YTHDF3: variants seen among roughly 807,000 people sequenced by gnomAD.
The protein encoded by YTHDF3 is YTH domain-containing family protein 3.
In YTHDF3, 9 loss-of-function variants were observed where a neutral mutation model predicts 52.5. The observed-to-expected ratio is 0.17, with a 90% CI of 0.10 to 0.30. The LOEUF (loss-of-function observed/expected upper bound fraction) is 0.30, where lower values mean the gene tolerates loss of function less well. Ranked by LOEUF, YTHDF3 falls within the 10% of genes least tolerant of loss-of-function variation. The pLI, the probability that YTHDF3 is intolerant of heterozygous loss-of-function variation, is 1.00. For synonymous variants in YTHDF3, 274 were observed against 243.3 expected (o/e 1.13, Z -1.18); for missense variants, 534 against 715.0 (o/e 0.75, Z 2.89).
Position 63,186,507 on chromosome 8 carries a change from A to G in YTHDF3, c.496A>G (p.Ile166Val), listed in dbSNP as rs1808510636. ...TCCACCTAGTTCTCTTGGGAGAGCT[A>G]TTACTGATGGACAGGCTGGATTTGG... ...GYPPSSLGRA[I>V]TDGQAGFGND... Residue 166 changes from isoleucine (I) to valine (V), a missense_variant, in exon 4 of 5, where the codon ATT becomes GTT. Physicochemically the swap from Ile to Val is conservative, Grantham distance 29. Around this residue, in one of 3 missense-constraint regions of YTHDF3, gnomAD observed 196 missense variants for 299.5 expected, o/e 0.65. Transcript: ENST00000539294. The G allele has an allele frequency of 6.2e-7, 1 of 1,613,934 alleles. No individual in the cohort carries two copies. The highest frequency in any genetic ancestry group is 1.3e-5 in the African/African-American group (1 of 74,946).
At chr8:63,170,685 G>C (rs1051599708) in intron 2 of YTHDF3, among the ~76,000 whole-genome samples, 1 of 152,090 alleles carries the variant, frequency 6.6e-6, no homozygotes, top group Non-Finnish European at 1.5e-5. Context: ...GAACTATGTA[G>C]ACTTGGAGAT....
Position 63,185,780 on chromosome 8 carries a change from C to T in YTHDF3, c.136-367C>T, listed in dbSNP as rs78255094. On this transcript the variant is annotated intron_variant, in intron 3 of 4. Transcript: ENST00000539294. ...CATACATCAATTGATTAAAGTACAGCTGGCTGTAAATGGTAATTTTGTGTC... is the reference window on the plus strand; with the variant it reads ...CATACATCAATTGATTAAAGTACAGTTGGCTGTAAATGGTAATTTTGTGTC... 5.0e-3 allele frequency among the ~76,000 whole-genome samples: 760 copies of T among 152,308 alleles called. 1 individual carries two copies. Among genetic ancestry groups the T allele is most frequent in the Non-Finnish European group, 7.1e-3 (482 of 68,026 alleles).
Position 63,211,912 on chromosome 8 carries a change from T to G in YTHDF3, c.*2206T>G, listed in dbSNP as rs1025135722. ...TAATTTTGTGTTTTTCTCATATAAG[T>G]TTTCTCCAGAGCACCCACCTTCTCT... is the stretch of plus-strand genomic sequence containing the variant. On this transcript the variant is annotated 3_prime_UTR_variant, in exon 5 of 5. Coordinates refer to ENST00000539294, the MANE Select transcript of YTHDF3 (RefSeq NM_152758.6). 6.6e-6 allele frequency: 1 copy of G among 152,586 alleles called. No individual in the cohort carries two copies. The highest frequency in any genetic ancestry group is 2.4e-5 in the African/African-American group (1 of 41,458). The allele number at this position is 152,586 out of a possible 1,614,324, so 9.5% of individuals were successfully genotyped here. A position where few individuals can be genotyped will look rare whatever the true frequency, so the allele number is the denominator to read the frequency against.
At chr8:63,193,526 C>T (rs1809050975) in intron 4 of YTHDF3, among the ~76,000 whole-genome samples, 1 of 152,030 alleles carries the variant, frequency 6.6e-6, no homozygotes, top group African/African-American at 2.4e-5. Context: ...GAGGCTGAGG[C>T]AGAAGGATTG....
intron 3 of YTHDF3, among the ~76,000 whole-genome samples, chr8:63,181,948 TATA>T (rs1165233412): frequency 2.0e-5 from 3 of 152,180 alleles, no homozygotes; most frequent in Non-Finnish European, 4.4e-5. Flanking sequence ...TTTAGAAAAT[TATA>T]ATAGGAGAAA....
At chr8:63,188,701 A>ATTTTTT (rs1191554468) in intron 4 of YTHDF3, 43 of 61,444 alleles carry the variant, frequency 7.0e-4, no homozygotes, top group African/African-American at 3.3e-3. Context: ...ATATATATAT[A>ATTTTTT]TTTTTTTTTT....
At chr8:63,179,130 A>G (rs887934374) in intron 3 of YTHDF3, among the ~76,000 whole-genome samples, 2 of 152,198 alleles carry the variant, frequency 1.3e-5, no homozygotes, top group Non-Finnish European at 1.5e-5. Flanking sequence ...CTTTCTACTT[A>G]TGTGGCAGCA....
chr8:63,194,862 A>C (rs545833396), intron 4 of YTHDF3, among the ~76,000 whole-genome samples: 1 of 152,338 alleles, frequency 6.6e-6, no homozygotes, highest in Admixed American at 6.5e-5. Context: ...GATTTTAACT[A>C]AAATTTACAT....
intron 3 of YTHDF3, among the ~76,000 whole-genome samples, chr8:63,180,976 G>C (rs1055511251): frequency 6.6e-6 from 1 of 152,188 alleles, no homozygotes; most frequent in East Asian, 1.9e-4. Flanking sequence ...AAGAGGGAGA[G>C]GGAGAGGGTC....
intron 2 of YTHDF3, among the ~76,000 whole-genome samples, chr8:63,170,599 AAAT>A (rs1798641456): frequency 6.6e-6 from 1 of 152,186 alleles, no homozygotes; most frequent in Non-Finnish European, 1.5e-5. Context: ...GATTTATTTT[AAAT>A]GAGTTTTTAA....
Position 63,186,219 on chromosome 8 carries a change from T to C in YTHDF3, c.208T>C (p.Ser70Pro). The change falls in exon 4 of 5, where the codon TCT (serine) becomes CCT (proline). Residue 70 changes from serine (S) to proline (P), a missense_variant. Physicochemically the swap from Ser to Pro is moderately conservative, Grantham distance 74 (BLOSUM62 -1). Coordinates refer to ENST00000539294, the MANE Select transcript of YTHDF3 (RefSeq NM_152758.6). ...YYAPSIGFPY[S>P]LGEAAWSTAG... is the part of the protein sequence containing the mutation. ...TGCTCCATCCATTGGATTTCCATAT[T>C]CTCTTGGGGAAGCAGCGTGGTCCAC... 6.2e-7 allele frequency: 1 copy of C among 1,614,060 alleles called. No homozygotes were observed. The highest frequency in any genetic ancestry group is 8.5e-7 in the Non-Finnish European group (1 of 1,179,886).
At chr8:63,209,655 T>TTG (rs754824965) in intron 4 of YTHDF3, 28 bp from the exon 5 acceptor site, 48 of 1,541,596 alleles carry the variant, frequency 3.1e-5, no homozygotes, top group African/African-American at 5.5e-5. Flanking sequence ...GTAATTCTTT[T>TTG]TGTGTGTGTG....
intron 3 of YTHDF3, among the ~76,000 whole-genome samples, chr8:63,184,068 A>C (rs995817324): frequency 6.6e-6 from 1 of 152,252 alleles, no homozygotes; most frequent in Non-Finnish European, 1.5e-5. Flanking sequence ...ATACAGATGC[A>C]ACTATTCATT....
intron 2 of YTHDF3, chr8:63,173,803 C>A: frequency 2.7e-6 from 1 of 370,086 alleles, no homozygotes; most frequent in South Asian, 1.1e-4. Flanking sequence ...TTCCATGGAG[C>A]ATATTTAGCT....
chr8:63,169,962 G>GT (rs1165025054), intron 2 of YTHDF3, among the ~76,000 whole-genome samples: 1 of 152,140 alleles, frequency 6.6e-6, no homozygotes, highest in Non-Finnish European at 1.5e-5. Flanking sequence ...ACTCTATCTG[G>GT]TATTTTATAA....
In YTHDF3 at chr8:63,211,741, A is replaced by T. The variant is rs1315693170; in HGVS notation, c.*2035A>T. 1 of 152,620 alleles carries T rather than the reference A, an allele frequency of 6.6e-6. No individual in the cohort carries two copies. The highest frequency in any genetic ancestry group is 1.9e-4 in the East Asian group (1 of 5,204). The allele number at this position is 152,620 out of a possible 1,614,324, so 9.5% of individuals were successfully genotyped here. A position where few individuals can be genotyped will look rare whatever the true frequency, so the allele number is the denominator to read the frequency against. ...AGCACTCAGCAAGCAGGCTGATTGC[A>T]ATAGACTCAGACATGCGAATAAATG... On this transcript the variant is annotated 3_prime_UTR_variant, in exon 5 of 5. Transcript: ENST00000539294.
chr8:63,208,642 A>G (rs1301691725), intron 4 of YTHDF3, among the ~76,000 whole-genome samples: 3 of 152,222 alleles, frequency 2.0e-5, no homozygotes, highest in Non-Finnish European at 4.4e-5. Context: ...AAGGTTGTAC[A>G]AACTACTTGA....
rs1336472444 is a variant in YTHDF3, at chr8:63,169,078, C to T, written c.24+177C>T. ...GCGTGCGCCCTGGCCCCGTAGCTTGCGGGCGGGCGGGCGCGGTGCCGCGGC... is the reference window on the plus strand; with the variant it reads ...GCGTGCGCCCTGGCCCCGTAGCTTGTGGGCGGGCGGGCGCGGTGCCGCGGC... On this transcript the variant is annotated intron_variant, in intron 1 of 4. Transcript: ENST00000539294. The T allele has an allele frequency of 1.2e-5, 16 of 1,375,296 alleles. No individual in the cohort carries two copies. The Admixed American group carries it at 4.5e-4, about 39-fold the overall frequency. 85.2% of individuals were successfully genotyped at this position (1,375,296 alleles called of 1,614,324 possible).
At chr8:63,200,898 T>C (rs1585781913) in intron 4 of YTHDF3, among the ~76,000 whole-genome samples, 1 of 152,104 alleles carries the variant, frequency 6.6e-6, no homozygotes, top group Admixed American at 6.6e-5. Flanking sequence ...TATTGTGATA[T>C]GTTGAAGTAA....
Sources: allele counts gnomAD v4.1 joint callset (sites outside exome capture counted in the v4.1 genomes callset), GRCh38; gene constraint gnomAD v4.1.1; regional missense constraint gnomAD v4.1.1; transcripts MANE v1.5; gene names NCBI Gene and HGNC (gene_info 2026-07-23, HGNC 2026-07-21).